Variants in ORC3 observed in about 807,000 individuals in gnomAD.
ORC3 encodes the protein homolog of latheo, Drosophila.
A neutral mutation model predicts 100.7 loss-of-function variants in ORC3; 78 were observed. That is an observed-to-expected ratio of 0.77 (90% CI 0.65 to 0.94). The LOEUF (loss-of-function observed/expected upper bound fraction) is 0.94, where lower values mean the gene tolerates loss of function less well. ORC3 is among the 40% of genes least tolerant of loss of function. ORC3 has a pLI of 0.00. For synonymous variants in ORC3, 295 were observed against 289.3 expected (o/e 1.02, Z -0.20); for missense variants, 789 against 823.9 (o/e 0.96, Z 0.52).
chr6:87,667,182 T>G lies in ORC3; in HGVS notation c.*59T>G. ...TAGCTTAAGAGAAAAAGGTGACCAG[T>G]CATATTTACATATATTAGAGGAGCC... On this transcript the variant is annotated 3_prime_UTR_variant, in exon 20 of 20. Transcript: ENST00000392844. The G allele has an allele frequency of 9.8e-7, 1 of 1,023,170 alleles. No individual in the cohort carries two copies. Among genetic ancestry groups the G allele is most frequent in the East Asian group, 2.4e-5 (1 of 41,180 alleles). 63.4% of individuals were successfully genotyped at this position (1,023,170 alleles called of 1,614,324 possible).
chr6:87,653,785 T>C (rs1437840831), intron 14 of ORC3, among the ~76,000 whole-genome samples: 1 of 152,220 alleles, frequency 6.6e-6, no homozygotes, highest in Non-Finnish European at 1.5e-5. Flanking sequence ...CAGTCCTAAA[T>C]TAACTGAAGC....
intron 13 of ORC3, among the ~76,000 whole-genome samples, chr6:87,650,746 G>T (rs1434236667): frequency 6.6e-6 from 1 of 152,120 alleles, no homozygotes; most frequent in Admixed American, 6.5e-5. Context: ...AGTGGCTCAC[G>T]CCTATAATCC....
At chr6:87,666,924 A>AC (rs1457144990) in intron 19 of ORC3, 94 bp from the exon 20 acceptor site, 1 of 680,022 alleles carries the variant, frequency 1.5e-6, no homozygotes, top group African/African-American at 1.8e-5. Flanking sequence ...TGAACTATCT[A>AC]CTTCATTTTA....
At chr6:87,619,876 A>G (rs1340010352) in intron 9 of ORC3, among the ~76,000 whole-genome samples, 2 of 152,044 alleles carry the variant, frequency 1.3e-5, no homozygotes, top group African/African-American at 2.4e-5. Flanking sequence ...CGTGATTTCT[A>G]CTTGAGACAG....
intron 1 of ORC3, among the ~76,000 whole-genome samples, chr6:87,591,816 C>G (rs769168910): frequency 6.6e-6 from 1 of 152,020 alleles, no homozygotes; most frequent in Non-Finnish European, 1.5e-5. Flanking sequence ...ACTGCAACCT[C>G]CACCTCCCCG....
At chr6:87,626,183 C>G (rs1779886775) in intron 11 of ORC3, among the ~76,000 whole-genome samples, 2 of 151,972 alleles carry the variant, frequency 1.3e-5, no homozygotes, top group Non-Finnish European at 1.5e-5. Context: ...TTTTTTGGTT[C>G]CATATGAACT....
intron 3 of ORC3, among the ~76,000 whole-genome samples, chr6:87,602,905 T>TA (rs770456623): frequency 7.5e-6 from 1 of 133,146 alleles, no homozygotes; most frequent in Non-Finnish European, 1.6e-5. Flanking sequence ...CATATATATA[T>TA]TATATATTAT....
At chr6:87,610,661 C>G (rs1427699369) in intron 7 of ORC3, among the ~76,000 whole-genome samples, 6 of 148,068 alleles carry the variant, frequency 4.1e-5, no homozygotes, top group Non-Finnish European at 7.4e-5. Flanking sequence ...TCACGCCATT[C>G]TCCTGCCTCA....
intron 3 of ORC3, among the ~76,000 whole-genome samples, chr6:87,602,958 T>TATATATATATATATAG (rs1778058340): frequency 7.9e-6 from 1 of 126,800 alleles, no homozygotes; most frequent in Admixed American, 8.6e-5. Flanking sequence ...ATATATAATA[T>TATATATATATATATAG]ATATATATAT....
At position 87,602,930 on chromosome 6, in the gene ORC3, G is replaced by A. The variant is rs140115619; in HGVS notation, c.178-454G>A. Among the ~76,000 whole-genome samples, 130 of 116,780 alleles carry A rather than the reference G, an allele frequency of 1.1e-3. 2 individuals are homozygous for A. Among genetic ancestry groups the A allele is most frequent in the Middle Eastern group, 4.4e-3 (1 of 228 alleles). The allele number at this position is 116,780 out of a possible 152,430, so 76.6% of individuals were successfully genotyped here. A position where few individuals can be genotyped will look rare whatever the true frequency, so the allele number is the denominator to read the frequency against. On this transcript the variant is annotated intron_variant, in intron 3 of 19. Transcript: ENST00000392844. ...TTATATATTATATATATATATACAC[G>A]TTTATATATATATACACATATATAA...
intron 3 of ORC3, among the ~76,000 whole-genome samples, chr6:87,602,546 T>C (rs139269679): frequency 1.3e-3 from 192 of 152,200 alleles, no homozygotes; most frequent in African/African-American, 3.9e-3. Flanking sequence ...CTTTCCAGTT[T>C]ATTACTGCCG....
rs200525076 is a variant in ORC3, at chr6:87,656,917, G to A, written c.1528G>A (p.Glu510Lys). Residue 510 changes from glutamate (E) to lysine (K), a missense_variant, in exon 15 of 20, where the codon GAA becomes AAA. Coordinates refer to ENST00000392844, the MANE Select transcript of ORC3 (RefSeq NM_012381.4). Reference sequence around the variant, plus strand: ...TGTATTAAAAGCAGAAACCAAAGAGGAAGAAGATGCTTCTGGGTCACAGCC... The same window carrying A: ...TGTATTAAAAGCAGAAACCAAAGAGAAAGAAGATGCTTCTGGGTCACAGCC... The part of the protein sequence containing the change: ...QFQSLDETKE[E>K]EDASGSQPKG... The A allele has an allele frequency of 5.6e-6, 9 of 1,612,056 alleles. No homozygotes were observed. The highest frequency in any genetic ancestry group is 7.6e-6 in the Non-Finnish European group (9 of 1,178,704).
intron 9 of ORC3, among the ~76,000 whole-genome samples, chr6:87,617,502 A>T (rs1779242455): frequency 6.6e-6 from 1 of 152,182 alleles, no homozygotes; most frequent in African/African-American, 2.4e-5. Context: ...TAGGAAGTCA[A>T]GGTGGGAGGA....
chr6:87,601,896 T>A lies in ORC3; in HGVS notation c.177+15T>A, dbSNP rs572945135. On this transcript the variant is annotated intron_variant, in intron 3 of 19. Transcript: ENST00000392844. ...CTGAAAATGAGGTGAATACTTTTTT[T>A]AATAATTTTCTGTAACACCCTAAGT... The A allele has an allele frequency of 2.9e-5, 42 of 1,462,350 alleles. No individual in the cohort carries two copies. Among genetic ancestry groups the A allele is most frequent in the South Asian group, 1.5e-4 (13 of 87,798 alleles). 90.6% of individuals were successfully genotyped at this position (1,462,350 alleles called of 1,614,324 possible). A position where few individuals can be genotyped will look rare whatever the true frequency, so the allele number is the denominator to read the frequency against.
At position 87,644,028 on chromosome 6, in the gene ORC3, G is replaced by C. The variant is rs1054600245; in HGVS notation, c.1382+7542G>C. 2.7e-5 allele frequency among the ~76,000 whole-genome samples: 4 copies of C among 147,184 alleles called. No individual in the cohort carries two copies. In the East Asian group the frequency reaches 8.0e-4, roughly 30 times the overall value. ...CCCCCCAAAATATTTTCAATCCAAG[G>C]TTGATTGAATCCACCAATGTGGGAC... On this transcript the variant is annotated intron_variant, in intron 13 of 19. Transcript: ENST00000392844.
chr6:87,597,117 A>G (rs1777506925), intron 2 of ORC3, among the ~76,000 whole-genome samples: 1 of 152,190 alleles, frequency 6.6e-6, no homozygotes. Context: ...TTTGAAATAT[A>G]TACCTGTATA....
the ORC3 span, among the ~76,000 whole-genome samples, chr6:87,674,310 A>C: frequency 1.3e-5 from 2 of 151,332 alleles, no homozygotes; most frequent in Admixed American, 6.6e-5. Flanking sequence ...CTCAAAAAAA[A>C]AAAAAAAAAA....
intron 2 of ORC3, among the ~76,000 whole-genome samples, chr6:87,599,728 C>T (rs1455818187): frequency 7.2e-6 from 1 of 138,476 alleles, no homozygotes; most frequent in Non-Finnish European, 1.5e-5. Flanking sequence ...GTAATACCAG[C>T]ACTTTGGGAG....
chr6:87,666,989 C>T (rs764052267), intron 19 of ORC3, 29 bp from the exon 20 acceptor site: 27 of 1,377,732 alleles, frequency 2.0e-5, no homozygotes, highest in African/African-American at 2.9e-5. Flanking sequence ...AAATACAGCA[C>T]GGCCAGTTTC....
Sources: gnomAD v4.1 joint callset for allele counts (sites outside exome capture counted in the v4.1 genomes callset) on GRCh38, gnomAD v4.1.1 for gene constraint, MANE v1.5 for transcripts, NCBI Gene and HGNC (gene_info 2026-07-23, HGNC 2026-07-21) for gene names.